CSNK1D: variants seen among roughly 807,000 people sequenced by gnomAD.
CSNK1D encodes casein kinase I isoform delta.
CSNK1D carries 16 observed loss-of-function variants against 46.6 expected under a neutral mutation model. The ratio of observed to expected loss-of-function variants is 0.34; its 90% confidence interval spans 0.23 to 0.52. The LOEUF is 0.52. CSNK1D is among the 20% of genes least tolerant of loss of function. The pLI is 0.95. For synonymous variants in CSNK1D, 276 were observed against 228.2 expected (o/e 1.21, Z -1.89); for missense variants, 398 against 578.4 (o/e 0.69, Z 3.20).
Position 82,248,349 on chromosome 17 carries a change from GT to G in CSNK1D, c.1197+525del. On this transcript the variant is annotated intron_variant, in intron 8 of 8. Coordinates refer to ENST00000314028, the MANE Select transcript of CSNK1D (RefSeq NM_001893.6). The surrounding 1 kb of genome is among the most constrained non-coding windows in gnomAD (Gnocchi z 4.1). ...GGCTAGGCCTGGGCTGCGCAACAGG[GT>G]ACTTCTCGTCCAAGGGAAGACAGGT... 1.0e-6 allele frequency: 1 copy of G among 998,504 alleles called. No homozygotes were observed. 61.9% of individuals were successfully genotyped at this position (998,504 alleles called of 1,614,324 possible). A position where few individuals can be genotyped will look rare whatever the true frequency, so the allele number is the denominator to read the frequency against.
At chr17:82,257,915 G>A (rs1411390557) in intron 2 of CSNK1D, among the ~76,000 whole-genome samples, 9 of 152,216 alleles carry the variant, frequency 5.9e-5, no homozygotes, top group African/African-American at 1.7e-4. Flanking sequence ...GTATTCCACC[G>A]TCGAAAAGTT....
At chr17:82,258,343 T>C (rs1011080245) in intron 2 of CSNK1D, among the ~76,000 whole-genome samples, 6 of 150,840 alleles carry the variant, frequency 4.0e-5, no homozygotes, top group Non-Finnish European at 8.8e-5. Flanking sequence ...TGTGTATATA[T>C]ATATATTATA....
chr17:82,256,045 T>C (rs1274993003), intron 2 of CSNK1D, among the ~76,000 whole-genome samples: 1 of 152,200 alleles, frequency 6.6e-6, no homozygotes, highest in Admixed American at 6.5e-5. Context: ...GGTAGAAGTA[T>C]TTGACTGGAT....
At position 82,265,822 on chromosome 17, in the gene CSNK1D, AG is replaced by A. The variant is rs759647324; in HGVS notation, c.77-27del. 5.1e-6 allele frequency: 8 copies of A among 1,559,032 alleles called. No homozygotes were observed. The African/African-American group carries it at 1.1e-4, about 21-fold the overall frequency. Reference sequence around the variant, plus strand: ...CTTGGCAAAGAAAGAAAACCACAACAGGAATTACCTGGTATCCACCAAATAA... The same window carrying A: ...CTTGGCAAAGAAAGAAAACCACAACAGAATTACCTGGTATCCACCAAATAA... On this transcript the variant is annotated intron_variant, in intron 1 of 8. Coordinates refer to ENST00000314028, the MANE Select transcript of CSNK1D (RefSeq NM_001893.6).
rs1187932366 is a variant in CSNK1D, at chr17:82,248,186, C to G, written c.1197+689G>C. The G allele has an allele frequency of 1.2e-5, 12 of 985,434 alleles. No homozygotes were observed. In the Admixed American group the frequency reaches 6.1e-4, roughly 50 times the overall value. The allele number at this position is 985,434 out of a possible 1,614,324, so 61.0% of individuals were successfully genotyped here. A position where few individuals can be genotyped will look rare whatever the true frequency, so the allele number is the denominator to read the frequency against. ...CCCTGTTGGCGAACAACCCAGAAAA[C>G]TATTTGAAGAAATATAATGGATCCA... is the stretch of plus-strand genomic sequence containing the variant. On this transcript the variant is annotated intron_variant, in intron 8 of 8. Coordinates refer to ENST00000314028, the MANE Select transcript of CSNK1D (RefSeq NM_001893.6). The surrounding 1 kb of genome is among the most constrained non-coding windows in gnomAD (Gnocchi z 4.1).
intron 8 of CSNK1D, 41 bp from the exon 9 acceptor site, chr17:82,244,872 G>A (rs749160505): frequency 1.9e-6 from 3 of 1,612,632 alleles, no homozygotes; most frequent in South Asian, 1.1e-5. Flanking sequence ...GCATGGGGCT[G>A]GGGGAGCCGG....
At chr17:82,242,486 A>C (rs2050755083), downstream of CSNK1D, among the ~76,000 whole-genome samples, 1 of 146,764 alleles carries the variant, frequency 6.8e-6, no homozygotes, top group Non-Finnish European at 1.5e-5. Flanking sequence ...AGCAGTCGCC[A>C]CCCCTCCCTG....
rs1040604198 is a variant in CSNK1D at position 82,244,336 on chromosome 17, C to T, written c.*445G>A. On this transcript the variant is annotated 3_prime_UTR_variant, in exon 9 of 9. Transcript: ENST00000314028. ...CATTTTTTTTGTAAGACTGCAAAAA[C>T]AGACAAGAAACAATAAAAAGACAGA... The T allele has an allele frequency of 9.1e-7, 1 of 1,098,940 alleles. No individual in the cohort carries two copies. 68.1% of individuals were successfully genotyped at this position (1,098,940 alleles called of 1,614,324 possible).
intron 3 of CSNK1D, chr17:82,254,267 C>T (rs1485456046): frequency 1.8e-5 from 4 of 226,310 alleles, no homozygotes; most frequent in Non-Finnish European, 3.1e-5. Flanking sequence ...GCCGGAGCCT[C>T]GAGAAGCCAG....
At position 82,243,538 on chromosome 17, in the gene CSNK1D, C is replaced by G; in HGVS notation, c.*1243G>C. On this transcript the variant is annotated 3_prime_UTR_variant, in exon 9 of 9. Transcript: ENST00000314028. ...CGGCCCCACGCACGCTGCTTCACTT[C>G]TGACCAACAGACACGCGCCCAACAG... 2.0e-6 allele frequency: 2 copies of G among 985,514 alleles called. No individual in the cohort carries two copies. Among genetic ancestry groups the G allele is most frequent in the Non-Finnish European group, 2.4e-6 (2 of 829,968 alleles). 61.0% of individuals were successfully genotyped at this position (985,514 alleles called of 1,614,324 possible).
At chr17:82,247,291 G>C in intron 8 of CSNK1D, 4 of 985,402 alleles carry the variant, frequency 4.1e-6, no homozygotes, top group Non-Finnish European at 4.8e-6. Flanking sequence ...GGCCACCTTG[G>C]GGGCTGGTGG....
At position 82,249,819 on chromosome 17, in the gene CSNK1D, CG is replaced by C. The variant is rs2050954552; in HGVS notation, c.886-218del. On this transcript the variant is annotated intron_variant, in intron 6 of 8. Transcript: ENST00000314028. The surrounding 1 kb of genome is among the most constrained non-coding windows in gnomAD (Gnocchi z 6.7). ...CAGGCCTCTCAGCTCCCCCAACAATCGAAAAAACCCCACTCGCCATGGCATC... is the reference window on the plus strand; with the variant it reads ...CAGGCCTCTCAGCTCCCCCAACAATCAAAAAACCCCACTCGCCATGGCATC... 4.2e-6 allele frequency: 6 copies of C among 1,432,888 alleles called. No homozygotes were observed. The South Asian group carries it at 7.4e-5, about 18-fold the overall frequency. 88.8% of individuals were successfully genotyped at this position (1,432,888 alleles called of 1,614,324 possible). A position where few individuals can be genotyped will look rare whatever the true frequency, so the allele number is the denominator to read the frequency against.
chr17:82,265,778 C>T lies in CSNK1D; in HGVS notation c.95G>A (p.Gly32Glu). 6.2e-7 allele frequency: 1 copy of T among 1,614,104 alleles called. No individual in the cohort carries two copies. Among genetic ancestry groups the T allele is most frequent in the Non-Finnish European group, 8.5e-7 (1 of 1,179,994 alleles). The change falls in exon 2 of 9, where the codon GGA (glycine) becomes GAA (glutamate). Residue 32 changes from glycine to glutamate, a missense_variant. Gly to Glu is a moderately conservative substitution (Grantham distance 98). Around this residue, in one of 2 missense-constraint regions of CSNK1D, gnomAD observed 217 missense variants for 370.3 expected, o/e 0.59. Coordinates refer to ENST00000314028, the MANE Select transcript of CSNK1D (RefSeq NM_001893.6). ...TTCAAGCTTGATGGCAACCTCTTCT[C>T]CTGCAGCAATGTCCGTACCTTGGCA... The part of the protein sequence containing the change: ...DIYLGTDIAA[G>E]EEVAIKLECV...
In CSNK1D at chr17:82,244,739, C is replaced by T. The variant is rs369605736; in HGVS notation, c.*42G>A. 7 of 1,613,546 alleles carry T rather than the reference C, an allele frequency of 4.3e-6. No homozygotes were observed. Among genetic ancestry groups the T allele is most frequent in the South Asian group, 1.1e-5 (1 of 91,084 alleles). On this transcript the variant is annotated 3_prime_UTR_variant, in exon 9 of 9. Coordinates refer to ENST00000314028, the MANE Select transcript of CSNK1D (RefSeq NM_001893.6). ...TAAAGCCATTGGTAACAGAGTAGAT[C>T]AGCCATGCATTGTCTGCCCTTCACA...
At position 82,244,095 on chromosome 17, in the gene CSNK1D, G is replaced by C; in HGVS notation, c.*686C>G. 3 of 990,428 alleles carry C rather than the reference G, an allele frequency of 3.0e-6. No homozygotes were observed. The highest frequency in any genetic ancestry group is 3.6e-6 in the Non-Finnish European group (3 of 832,748). 61.4% of individuals were successfully genotyped at this position (990,428 alleles called of 1,614,324 possible). Reference sequence around the variant, plus strand: ...CATGTCAATTACGGGAGGAGGGAGGGTGAGACGCCAAAATCAGGTTGAAGA... The same window carrying C: ...CATGTCAATTACGGGAGGAGGGAGGCTGAGACGCCAAAATCAGGTTGAAGA... On this transcript the variant is annotated 3_prime_UTR_variant, in exon 9 of 9. Coordinates refer to ENST00000314028, the MANE Select transcript of CSNK1D (RefSeq NM_001893.6).
rs1169364753 is a variant in CSNK1D, at chr17:82,244,246, C to A, written c.*535G>T. 11 of 1,082,554 alleles carry A rather than the reference C, an allele frequency of 1.0e-5. No homozygotes were observed. Among genetic ancestry groups the A allele is most frequent in the Non-Finnish European group, 1.0e-5 (9 of 886,526 alleles). 67.1% of individuals were successfully genotyped at this position (1,082,554 alleles called of 1,614,324 possible). A position where few individuals can be genotyped will look rare whatever the true frequency, so the allele number is the denominator to read the frequency against. ...CACCCTTGAGATCCACCTGCACCTTCTCCCTGCCCGACTCCACCTCATACA... is the reference window on the plus strand; with the variant it reads ...CACCCTTGAGATCCACCTGCACCTTATCCCTGCCCGACTCCACCTCATACA... On this transcript the variant is annotated 3_prime_UTR_variant, in exon 9 of 9. Transcript: ENST00000314028.
chr17:82,257,511 T>C (rs1310523403), intron 2 of CSNK1D, among the ~76,000 whole-genome samples: 1 of 152,178 alleles, frequency 6.6e-6, no homozygotes, highest in Non-Finnish European at 1.5e-5. Flanking sequence ...CCCTCACACC[T>C]TAAGTAACTA....
At chr17:82,254,064 G>C (rs1305876803) in intron 3 of CSNK1D, 1 of 179,564 alleles carries the variant, frequency 5.6e-6, no homozygotes, top group African/African-American at 4.2e-5. Flanking sequence ...TGAGCCGCCG[G>C]AGCCTCGTGA....
Position 82,251,680 on chromosome 17 carries a change from G to A in CSNK1D, c.737-153C>T. 2 of 848,774 alleles carry A rather than the reference G, an allele frequency of 2.4e-6. No homozygotes were observed. Among genetic ancestry groups the A allele is most frequent in the Non-Finnish European group, 1.9e-6 (1 of 516,894 alleles). 52.6% of individuals were successfully genotyped at this position (848,774 alleles called of 1,614,324 possible). On this transcript the variant is annotated intron_variant, in intron 5 of 8. Coordinates refer to ENST00000314028, the MANE Select transcript of CSNK1D (RefSeq NM_001893.6). The surrounding 1 kb of genome is among the most constrained non-coding windows in gnomAD (Gnocchi z 4.5). ...TCAGATTTCTAAGACCTGAAGCCTT[G>A]AGAAAGCATCGAAAAGTATTCAAGT...
Sources: allele counts gnomAD v4.1 joint callset (sites outside exome capture counted in the v4.1 genomes callset), GRCh38; gene constraint gnomAD v4.1.1; regional missense constraint gnomAD v4.1.1; non-coding constraint Gnocchi (gnomAD v3.1); transcripts MANE v1.5; gene names NCBI Gene and HGNC (gene_info 2026-07-23, HGNC 2026-07-21).